HS6ST3: variants seen among roughly 807,000 people sequenced by gnomAD.
HS6ST3 encodes the protein heparan-sulfate 6-O-sulfotransferase 3.
In HS6ST3, 12 loss-of-function variants were observed where a neutral mutation model predicts 36.7. The observed-to-expected ratio is 0.33, with a 90% confidence interval of 0.21 to 0.53. The LOEUF (loss-of-function observed/expected upper bound fraction) is 0.53, where lower values mean the gene tolerates loss of function less well. Among genes scored for constraint, HS6ST3 ranks in the 20% least tolerant of loss-of-function variants. The pLI is 0.95. For missense variants in HS6ST3, 584 were observed against 640.9 expected (o/e 0.91, Z 0.96); for synonymous variants, 240 against 257.5 (o/e 0.93, Z 0.65).
intron 1 of HS6ST3, among the ~76,000 whole-genome samples, chr13:96,422,210 C>G (rs1007960603): frequency 6.6e-6 from 1 of 152,186 alleles, no homozygotes; most frequent in African/African-American, 2.4e-5. Context: ...ATTGCAAACT[C>G]TCAGGCAGTG....
At chr13:96,392,026 T>C (rs2055398379) in intron 1 of HS6ST3, among the ~76,000 whole-genome samples, 1 of 152,212 alleles carries the variant, frequency 6.6e-6, no homozygotes, top group Admixed American at 6.5e-5. Context: ...ATTTGCAGTA[T>C]TCCTTGAGTG....
chr13:96,358,364 T>C (rs577204307), intron 1 of HS6ST3, among the ~76,000 whole-genome samples: 75 of 152,330 alleles, frequency 4.9e-4, no homozygotes, highest in Non-Finnish European at 8.5e-4. Context: ...TGTTTCTTGG[T>C]AGTGGAACAA....
At chr13:96,802,505 G>A (rs1269015296) in intron 1 of HS6ST3, among the ~76,000 whole-genome samples, 2 of 152,030 alleles carry the variant, frequency 1.3e-5, no homozygotes, top group East Asian at 1.9e-4. Flanking sequence ...CTACTATGTT[G>A]GCAAAAGCCT....
At chr13:96,112,580 T>TAA (rs1555386233) in intron 1 of HS6ST3, among the ~76,000 whole-genome samples, 138 of 33,702 alleles carry the variant, frequency 4.1e-3, no homozygotes, top group East Asian at 9.2e-3. Flanking sequence ...AATAAATAAA[T>TAA]ATATATATAT....
chr13:96,115,926 A>T (rs1331875942), intron 1 of HS6ST3, among the ~76,000 whole-genome samples: 1 of 152,162 alleles, frequency 6.6e-6, no homozygotes, highest in Non-Finnish European at 1.5e-5. Context: ...TGACTTTTTA[A>T]TAATCACCAT....
intron 1 of HS6ST3, among the ~76,000 whole-genome samples, chr13:96,678,925 A>C (rs900096119): frequency 6.6e-6 from 1 of 151,976 alleles, no homozygotes; most frequent in Non-Finnish European, 1.5e-5. Context: ...AAGACAGCAG[A>C]ATTTCAGACA....
At chr13:96,337,620 C>A in intron 1 of HS6ST3, among the ~76,000 whole-genome samples, 1 of 152,152 alleles carries the variant, frequency 6.6e-6, no homozygotes. Flanking sequence ...TGATATTTCA[C>A]TGTGATCTAC....
At chr13:96,237,192 G>A (rs1369468729) in intron 1 of HS6ST3, among the ~76,000 whole-genome samples, 1 of 152,198 alleles carries the variant, frequency 6.6e-6, no homozygotes, top group African/African-American at 2.4e-5. Flanking sequence ...TGAGATTTGG[G>A]TGGGAACACA....
intron 1 of HS6ST3, among the ~76,000 whole-genome samples, chr13:96,551,287 A>G (rs1228245537): frequency 1.3e-5 from 2 of 152,216 alleles, no homozygotes; most frequent in African/African-American, 4.8e-5. Context: ...GACACCTTAC[A>G]TTACAGTGCT....
chr13:96,793,291 G>T (rs573706490), intron 1 of HS6ST3, among the ~76,000 whole-genome samples: 1 of 151,996 alleles, frequency 6.6e-6, no homozygotes, highest in Non-Finnish European at 1.5e-5. Context: ...GACTGACAAG[G>T]CAATAGAAGT....
At chr13:96,768,444 C>T (rs1249400061) in intron 1 of HS6ST3, among the ~76,000 whole-genome samples, 1 of 152,200 alleles carries the variant, frequency 6.6e-6, no homozygotes, top group African/African-American at 2.4e-5. Flanking sequence ...ATCACAAACT[C>T]TGACTCTGTC....
chr13:96,372,958 T>A (rs1372004605), intron 1 of HS6ST3, among the ~76,000 whole-genome samples: 2 of 152,152 alleles, frequency 1.3e-5, no homozygotes, highest in Admixed American at 6.5e-5. Flanking sequence ...AGACCACAAA[T>A]TCAAAATCAA....
At chr13:96,467,813 T>C (rs1027744493) in intron 1 of HS6ST3, among the ~76,000 whole-genome samples, 2 of 152,178 alleles carry the variant, frequency 1.3e-5, no homozygotes, top group African/African-American at 4.8e-5. Context: ...GTCCTGTAAC[T>C]ACTAGATGGT....
chr13:96,605,989 T>A (rs1174898355), intron 1 of HS6ST3, among the ~76,000 whole-genome samples: 1 of 152,042 alleles, frequency 6.6e-6, no homozygotes, highest in East Asian at 1.9e-4. Flanking sequence ...TCATCACTTG[T>A]CATCAGATAC....
intron 1 of HS6ST3, among the ~76,000 whole-genome samples, chr13:96,231,243 C>G (rs2054506602): frequency 6.6e-6 from 1 of 152,130 alleles, no homozygotes; most frequent in African/African-American, 2.4e-5. Context: ...GATTTTGATT[C>G]ATTAGGTCTG....
At chr13:96,349,442 C>G (rs1465415770) in intron 1 of HS6ST3, among the ~76,000 whole-genome samples, 2 of 152,134 alleles carry the variant, frequency 1.3e-5, no homozygotes, top group Admixed American at 1.3e-4. Context: ...AAACAATTCT[C>G]TCCAAAAGTG....
intron 1 of HS6ST3, among the ~76,000 whole-genome samples, chr13:96,353,852 G>A (rs746052811): frequency 6.6e-6 from 1 of 152,072 alleles, no homozygotes; most frequent in Non-Finnish European, 1.5e-5. Context: ...ACTCAGCTTC[G>A]CATTTAAATA....
intron 1 of HS6ST3, among the ~76,000 whole-genome samples, chr13:96,822,111 A>G (rs1308780815): frequency 6.6e-6 from 1 of 152,188 alleles, no homozygotes; most frequent in Non-Finnish European, 1.5e-5. Context: ...GGAGGGCCTG[A>G]TAACACAATC....
intron 1 of HS6ST3, among the ~76,000 whole-genome samples, chr13:96,476,013 G>T (rs1040447451): frequency 2.0e-5 from 3 of 152,196 alleles, no homozygotes; most frequent in African/African-American, 7.2e-5. Context: ...AGGCTCACCT[G>T]CTGAGACGCC....
Sources: allele counts gnomAD v4.1 joint callset (sites outside exome capture counted in the v4.1 genomes callset), GRCh38; gene constraint gnomAD v4.1.1; transcripts MANE v1.5; gene names NCBI Gene and HGNC (gene_info 2026-07-23, HGNC 2026-07-21).